Variants in NUP93 observed in about 807,000 individuals in gnomAD.
NUP93 encodes nuclear pore complex protein Nup93.
In NUP93, 55 loss-of-function variants were observed where a neutral mutation model predicts 107.8. That is an observed-to-expected ratio of 0.51 (90% confidence interval 0.41 to 0.64). The LOEUF is 0.64. Ranked by LOEUF, NUP93 falls within the 30% of genes least tolerant of loss-of-function variation. The pLI, the probability that NUP93 is intolerant of heterozygous loss-of-function variation, is 0.00. For missense variants in NUP93, 937 were observed against 1,044.7 expected (o/e 0.90, Z 1.42); for synonymous variants, 390 against 397.5 (o/e 0.98, Z 0.22).
At chr16:56,835,513 C>T (rs1316087700) in intron 16 of NUP93, among the ~76,000 whole-genome samples, 1 of 152,198 alleles carries the variant, frequency 6.6e-6, no homozygotes, top group Non-Finnish European at 1.5e-5. Flanking sequence ...AGGCATTGTG[C>T]TGAGTGCTTT....
chr16:56,832,240 C>T (rs1178962465), intron 11 of NUP93, 55 bp from the exon 12 acceptor site: 34 of 1,429,920 alleles, frequency 2.4e-5, no homozygotes, highest in Non-Finnish European at 3.2e-5. Flanking sequence ...CAACTCTGTG[C>T]ATGTGGCTCA....
chr16:56,793,583 G>A (rs1962817040), intron 3 of NUP93, among the ~76,000 whole-genome samples: 1 of 152,148 alleles, frequency 6.6e-6, no homozygotes, highest in African/African-American at 2.4e-5. Context: ...CGTATCACAG[G>A]AGAAGGAGTT....
chr16:56,818,778 T>G (rs779104103), intron 6 of NUP93, 40 bp downstream of exon 6: 2 of 1,548,130 alleles, frequency 1.3e-6, no homozygotes, highest in Non-Finnish European at 1.8e-6. Flanking sequence ...AGGAAAATCC[T>G]TTGTGAACCT....
intron 2 of NUP93, among the ~76,000 whole-genome samples, chr16:56,749,316 C>A (rs1961877327): frequency 6.6e-6 from 1 of 152,222 alleles, no homozygotes; most frequent in Non-Finnish European, 1.5e-5. Context: ...AGGCTACAAT[C>A]TCCACATTAG....
At chr16:56,772,983 T>C (rs1962350276) in intron 3 of NUP93, among the ~76,000 whole-genome samples, 1 of 152,220 alleles carries the variant, frequency 6.6e-6, no homozygotes, top group Admixed American at 6.5e-5. Flanking sequence ...GCCAGTGGTT[T>C]ACTCAGGCAT....
Position 56,837,726 on chromosome 16 carries a change from G to A in NUP93, c.2018G>A (p.Arg673Gln), listed in dbSNP as rs199837299. ...LKNMALSIAE[R>Q]YRAQGISANK... Reference sequence around the variant, plus strand: ...AACATGGCACTCTCCATTGCCGAACGGTAAGCCAGGAGCTGGCTCCATGGG... The same window carrying A: ...AACATGGCACTCTCCATTGCCGAACAGTAAGCCAGGAGCTGGCTCCATGGG... The change falls in exon 18 of 22, where the codon CGG becomes CAG. Residue 673 changes from arginine to glutamine, a missense_variant and splice_region_variant. Coordinates refer to ENST00000308159, the MANE Select transcript of NUP93 (RefSeq NM_014669.5). The A allele has an allele frequency of 2.5e-6, 4 of 1,611,990 alleles. No individual in the cohort carries two copies. The highest frequency in any genetic ancestry group is 1.7e-4 in the Middle Eastern group (1 of 6,060).
chr16:56,815,168 A>G (rs1567402206), intron 5 of NUP93, among the ~76,000 whole-genome samples: 1 of 152,138 alleles, frequency 6.6e-6, no homozygotes, highest in East Asian at 1.9e-4. Flanking sequence ...AAGGCTGCTC[A>G]TGTATATTTA....
intron 2 of NUP93, among the ~76,000 whole-genome samples, chr16:56,756,684 T>C (rs1962030279): frequency 6.6e-6 from 1 of 152,180 alleles, no homozygotes; most frequent in Admixed American, 6.5e-5. Context: ...GGGTCAATGG[T>C]ATTTCTGTTT....
chr16:56,816,231 C>G (rs1963427539), intron 5 of NUP93, among the ~76,000 whole-genome samples: 1 of 152,208 alleles, frequency 6.6e-6, no homozygotes, highest in South Asian at 2.1e-4. Flanking sequence ...ATAGTGTTGG[C>G]ACATAGTAAG....
chr16:56,767,687 C>T (rs538808480), intron 3 of NUP93, among the ~76,000 whole-genome samples: 1 of 152,280 alleles, frequency 6.6e-6, no homozygotes, highest in Admixed American at 6.5e-5. Context: ...GTGTGATATT[C>T]CCTGGGAGTT....
intron 1 of NUP93, among the ~76,000 whole-genome samples, chr16:56,732,356 A>G (rs1327467780): frequency 6.6e-6 from 1 of 152,220 alleles, no homozygotes; most frequent in Non-Finnish European, 1.5e-5. Context: ...TCTTGCAGGC[A>G]TGGGGATGCA....
intron 20 of NUP93, among the ~76,000 whole-genome samples, chr16:56,840,578 C>G (rs1221317673): frequency 6.6e-6 from 1 of 152,240 alleles, no homozygotes; most frequent in Non-Finnish European, 1.5e-5. Context: ...AAATTCTTCT[C>G]TAGAACTATA....
intron 3 of NUP93, among the ~76,000 whole-genome samples, chr16:56,765,208 T>G (rs544022858): frequency 6.6e-6 from 1 of 152,350 alleles, no homozygotes; most frequent in African/African-American, 2.4e-5. Context: ...CTAAATATTT[T>G]CACATAATAT....
In NUP93 at chr16:56,815,548, CTGT is replaced by C. The variant is rs543691808; in HGVS notation, c.490-3109_490-3107del. ...ATATTTCTGAGGTGTCCATATCTGT[CTGT>C]TGTTGTGGAGCGTAGGATTTGCTCC... is the stretch of plus-strand genomic sequence containing the variant. On this transcript the variant is annotated intron_variant, in intron 5 of 21. Transcript: ENST00000308159. 8.9e-3 allele frequency among the ~76,000 whole-genome samples: 1,350 copies of C among 152,286 alleles called. 18 individuals carry two copies. The highest frequency in any genetic ancestry group is 0.031 in the African/African-American group (1,271 of 41,566).
chr16:56,821,122 A>G (rs1027249207), intron 6 of NUP93, among the ~76,000 whole-genome samples: 1 of 152,194 alleles, frequency 6.6e-6, no homozygotes, highest in Non-Finnish European at 1.5e-5. Context: ...CATGAACCCT[A>G]TACCAGGGCC....
At chr16:56,834,912 G>C (rs901206083) in intron 16 of NUP93, 134 bp downstream of exon 16, 2 of 673,038 alleles carry the variant, frequency 3.0e-6, no homozygotes, top group South Asian at 2.7e-5. Context: ...TTTAAAAAAT[G>C]GAATGAAAAT....
chr16:56,766,812 C>T (rs140404053), intron 3 of NUP93, among the ~76,000 whole-genome samples: 1 of 152,204 alleles, frequency 6.6e-6, no homozygotes, highest in South Asian at 2.1e-4. Context: ...GCGATGGAAC[C>T]GAGAGAGGGG....
intron 1 of NUP93, among the ~76,000 whole-genome samples, chr16:56,741,198 G>T (rs1961734326): frequency 6.6e-6 from 1 of 152,052 alleles, no homozygotes; most frequent in East Asian, 1.9e-4. Context: ...TTATAATTTG[G>T]GATTAAATAT....
At chr16:56,757,513 C>T (rs770008141) in intron 2 of NUP93, among the ~76,000 whole-genome samples, 3 of 152,184 alleles carry the variant, frequency 2.0e-5, no homozygotes, top group Admixed American at 6.5e-5. Flanking sequence ...CACCCCACCA[C>T]TACACTACGA....
Sources: gnomAD v4.1 joint callset for allele counts (sites outside exome capture counted in the v4.1 genomes callset) on GRCh38, gnomAD v4.1.1 for gene constraint, MANE v1.5 for transcripts, NCBI Gene and HGNC (gene_info 2026-07-23, HGNC 2026-07-21) for gene names.